Variants in DRC4 observed in about 807,000 individuals in gnomAD.
The protein encoded by DRC4 is dynein regulatory complex subunit 4.
chr16:90,032,227 T>C, the DRC4 span, among the ~76,000 whole-genome samples: 3 of 149,098 alleles, frequency 2.0e-5, no homozygotes, highest in East Asian at 6.0e-4. Context: ...TGATCAGGTG[T>C]ATACAGGAAT....
chr16:90,036,847 A>G, the DRC4 span: 2 of 614,940 alleles, frequency 3.3e-6, no homozygotes, highest in African/African-American at 3.6e-5. Context: ...TCTGGTTTGT[A>G]AAAGCTCAGA....
chr16:90,035,671 T>C, the DRC4 span: 2 of 1,614,214 alleles, frequency 1.2e-6, no homozygotes, highest in East Asian at 2.2e-5. Context: ...GGAATGATTT[T>C]GAGAGGCAAG....
the DRC4 span, chr16:90,033,055 AT>A: frequency 1.0e-6 from 1 of 954,898 alleles, no homozygotes; most frequent in Non-Finnish European, 1.5e-6. Flanking sequence ...CATTTTTGCA[AT>A]TTGTTGAAAA....
At chr16:90,032,660 A>G in the DRC4 span, 6 of 1,534,364 alleles carry the variant, frequency 3.9e-6, 1 homozygote, top group South Asian at 5.6e-5. Context: ...GTGCACAGGT[A>G]CGGAAAGGTG....
At chr16:90,037,714 T>A in the DRC4 span, 1 of 1,554,446 alleles carries the variant, frequency 6.4e-7, no homozygotes. Context: ...CTTGGATGAC[T>A]GTGAATCTTG....
At chr16:90,039,049 C>T in the DRC4 span, among the ~76,000 whole-genome samples, 2 of 152,384 alleles carry the variant, frequency 1.3e-5, no homozygotes, top group Non-Finnish European at 2.9e-5. Context: ...CCTTCAGAGA[C>T]ACCTCAGGTC....
the DRC4 span, among the ~76,000 whole-genome samples, chr16:90,032,307 C>A: frequency 6.8e-6 from 1 of 148,130 alleles, no homozygotes; most frequent in African/African-American, 2.5e-5. Flanking sequence ...AGGTGTGGTA[C>A]AGGTGTGGTG....
the DRC4 span, chr16:90,044,159 TCTG>T: frequency 2.2e-6 from 1 of 455,316 alleles, no homozygotes; most frequent in South Asian, 1.6e-5. Context: ...GTCAGGCGCT[TCTG>T]CGGCGGCTCC....
chr16:90,040,187 C>T, the DRC4 span: 1 of 1,029,430 alleles, frequency 9.7e-7, no homozygotes, highest in Admixed American at 2.0e-5. Context: ...GGAGTGGGCA[C>T]TGTTGGGAGG....
chr16:90,033,020 T>A, the DRC4 span: 2 of 1,141,814 alleles, frequency 1.8e-6, no homozygotes, highest in Admixed American at 2.3e-5. Flanking sequence ...AACTGGGAAT[T>A]CATATTTCTG....
At chr16:90,044,680 C>T in the DRC4 span, 1 of 461,548 alleles carries the variant, frequency 2.2e-6, no homozygotes. Flanking sequence ...CCCCAGCTTT[C>T]CTGGGTCTGC....
the DRC4 span, chr16:90,028,040 G>A: frequency 2.1e-5 from 6 of 286,504 alleles, no homozygotes; most frequent in Non-Finnish European, 3.3e-5. Flanking sequence ...CACCTGATGT[G>A]TATAGACTTA....
chr16:90,027,340 G>A, the DRC4 span, among the ~76,000 whole-genome samples: 6 of 151,654 alleles, frequency 4.0e-5, no homozygotes, highest in South Asian at 2.1e-4. Flanking sequence ...CGTCCACCTC[G>A]GCCTCCCAAA....
the DRC4 span, chr16:90,040,520 G>T: frequency 1.3e-6 from 2 of 1,587,666 alleles, no homozygotes; most frequent in African/African-American, 2.7e-5. Context: ...GTAGGCCCTA[G>T]ACAGGCTCCT....
At chr16:90,043,803 A>C in the DRC4 span, 1 of 469,548 alleles carries the variant, frequency 2.1e-6, no homozygotes, top group South Asian at 1.6e-5. Context: ...TTCCCTAGGA[A>C]GTGGTGAGCC....
At chr16:90,023,467 G>T in the DRC4 span, among the ~76,000 whole-genome samples, 10 of 152,324 alleles carry the variant, frequency 6.6e-5, no homozygotes, top group Admixed American at 3.3e-4. Flanking sequence ...TTCAGCTGGT[G>T]GGGGGAGGAA....
the DRC4 span, among the ~76,000 whole-genome samples, chr16:90,034,863 A>G: frequency 2.1e-5 from 3 of 140,342 alleles, no homozygotes; most frequent in African/African-American, 8.1e-5. Context: ...AGCTGGAACT[A>G]TAGATATGAG....
chr16:90,023,922 G>A, the DRC4 span, among the ~76,000 whole-genome samples: 1 of 150,950 alleles, frequency 6.6e-6, no homozygotes, highest in Non-Finnish European at 1.5e-5. Flanking sequence ...GACCTGGGAG[G>A]CGGAGGTTGC....
chr16:90,029,012 G>A, the DRC4 span: 9 of 1,305,430 alleles, frequency 6.9e-6, no homozygotes, highest in African/African-American at 1.5e-5. Context: ...CTGGAAAGAT[G>A]TCTGGAGCTG....
Sources: gnomAD v4.1 joint callset for allele counts (sites outside exome capture counted in the v4.1 genomes callset) on GRCh38, gnomAD v4.1.1 for gene constraint, MANE v1.5 for transcripts, NCBI Gene and HGNC (gene_info 2026-07-23, HGNC 2026-07-21) for gene names.